FHOD3: variants seen among roughly 807,000 people sequenced by gnomAD.
The protein encoded by FHOD3 is formin homology 2 domain containing 3, also known as FH1/FH2 domain-containing protein 3.
In FHOD3, 90 loss-of-function variants were observed where a neutral mutation model predicts 173.0. The observed-to-expected ratio is 0.52, with a 90% confidence interval of 0.44 to 0.62. The LOEUF is 0.62. FHOD3 is among the 20% of genes least tolerant of loss of function. The pLI is 0.00. For missense variants in FHOD3, 1,945 were observed against 2,034.7 expected (o/e 0.96, Z 0.85); for synonymous variants, 828 against 823.0 (o/e 1.01, Z -0.10).
chr18:36,690,664 G>C (rs1346893667), intron 16 of FHOD3, among the ~76,000 whole-genome samples: 1 of 152,092 alleles, frequency 6.6e-6, no homozygotes, highest in African/African-American at 2.4e-5. Context: ...CACTGCAGAT[G>C]AACGCTGCTG....
chr18:36,389,115 C>A (rs2048172920), intron 3 of FHOD3, among the ~76,000 whole-genome samples: 1 of 151,954 alleles, frequency 6.6e-6, no homozygotes, highest in Non-Finnish European at 1.5e-5. Context: ...AATCTTTGTA[C>A]AAATGTGTAG....
chr18:36,415,503 C>G (rs2049590039), intron 3 of FHOD3, among the ~76,000 whole-genome samples: 1 of 152,294 alleles, frequency 6.6e-6, no homozygotes, highest in African/African-American at 2.4e-5. Flanking sequence ...TTTATTCATA[C>G]ATCATTAAAA....
At chr18:36,467,856 T>C (rs1238288091) in intron 3 of FHOD3, among the ~76,000 whole-genome samples, 1 of 152,194 alleles carries the variant, frequency 6.6e-6, no homozygotes, top group Non-Finnish European at 1.5e-5. Context: ...TGGGCAGAGG[T>C]GGCTCCAGGC....
In FHOD3 at chr18:36,358,366, C is replaced by T. The variant is rs541465035; in HGVS notation, c.272+2721C>T. Among the ~76,000 whole-genome samples the T allele has an allele frequency of 2.0e-5, 3 of 152,360 alleles. No individual in the cohort carries two copies. In the South Asian group the frequency reaches 6.2e-4, roughly 32 times the overall value. On this transcript the variant is annotated intron_variant, in intron 2 of 28. Coordinates refer to ENST00000590592, the MANE Select transcript of FHOD3 (RefSeq NM_001281740.3). Reference sequence around the variant, plus strand: ...CTGACACTACAGTTCACCTGGGCGACACCTGTCTCCAGATGCTGGCACTTC... The same window carrying T: ...CTGACACTACAGTTCACCTGGGCGATACCTGTCTCCAGATGCTGGCACTTC...
intron 3 of FHOD3, 64 bp downstream of exon 3, chr18:36,372,808 TAA>T (rs751534000): frequency 4.1e-5 from 58 of 1,400,990 alleles, no homozygotes; most frequent in African/African-American, 5.7e-5. Flanking sequence ...GGGAATAAAA[TAA>T]AGATTCACTG....
chr18:36,399,728 G>A (rs149800488), intron 3 of FHOD3, among the ~76,000 whole-genome samples: 240 of 152,290 alleles, frequency 1.6e-3, no homozygotes, highest in African/African-American at 5.6e-3. Flanking sequence ...GCTGCAGAAG[G>A]CTCATTTGGT....
At chr18:36,679,842 A>G (rs1376410795) in intron 14 of FHOD3, among the ~76,000 whole-genome samples, 3 of 152,174 alleles carry the variant, frequency 2.0e-5, no homozygotes, top group Admixed American at 1.3e-4. Context: ...TTGAAAGAAT[A>G]TGTTTTCTCC....
chr18:36,384,468 G>A (rs946389228), intron 3 of FHOD3, among the ~76,000 whole-genome samples: 1 of 151,854 alleles, frequency 6.6e-6, no homozygotes, highest in Non-Finnish European at 1.5e-5. Flanking sequence ...CTACTTGGGA[G>A]GCCAAAGAAA....
chr18:36,316,016 G>A (rs1455248350), intron 1 of FHOD3, among the ~76,000 whole-genome samples: 1 of 151,776 alleles, frequency 6.6e-6, no homozygotes, highest in African/African-American at 2.4e-5. Flanking sequence ...GGAGTGGGAG[G>A]GGAGAAGGAG....
chr18:36,758,822 C>T (rs1268425443), intron 25 of FHOD3, among the ~76,000 whole-genome samples: 1 of 152,192 alleles, frequency 6.6e-6, no homozygotes, highest in African/African-American at 2.4e-5. Flanking sequence ...TGGTGGTGGT[C>T]AGGGAATCGA....
At chr18:36,448,825 C>T (rs1477672473) in intron 3 of FHOD3, among the ~76,000 whole-genome samples, 2 of 152,118 alleles carry the variant, frequency 1.3e-5, no homozygotes, top group Non-Finnish European at 2.9e-5. Context: ...GAAATTTGTC[C>T]TTTTGGCCTT....
At position 36,515,573 on chromosome 18, in the gene FHOD3, C is replaced by A. The variant is rs572664368; in HGVS notation, c.511+3030C>A. On this transcript the variant is annotated intron_variant, in intron 5 of 28. Transcript: ENST00000590592. ...AATCAGAAAGGTGCCAGAGGCAATT[C>A]CCGAATGTTTAAGTCTCAGAACACT... is the stretch of plus-strand genomic sequence containing the variant. Among the ~76,000 whole-genome samples the A allele has an allele frequency of 3.9e-5, 6 of 152,304 alleles. No homozygotes were observed. In the East Asian group the frequency reaches 1.2e-3, roughly 29 times the overall value.
rs189668675 is a variant in FHOD3 at position 36,404,843 on chromosome 18, A to T, written c.337+32099A>T. ...AGTGCTTTTAGCTTTCGTCGCTAGA[A>T]TTTTTTTTCAGTCCTTTTGGTTAGC... On this transcript the variant is annotated intron_variant, in intron 3 of 28. Coordinates refer to ENST00000590592, the MANE Select transcript of FHOD3 (RefSeq NM_001281740.3). Among the ~76,000 whole-genome samples, 45 of 152,002 alleles carry T rather than the reference A, an allele frequency of 3.0e-4. No homozygotes were observed. In the East Asian group the frequency reaches 7.9e-3, roughly 27 times the overall value.
chr18:36,704,679 C>A (rs16968209), intron 17 of FHOD3, among the ~76,000 whole-genome samples: 3,692 of 152,296 alleles, frequency 0.024, 154 homozygotes, highest in African/African-American at 0.084. Flanking sequence ...CGGGCCTTCA[C>A]TGTTCTCTCC....
intron 3 of FHOD3, among the ~76,000 whole-genome samples, chr18:36,473,120 T>G (rs1327570046): frequency 6.6e-6 from 1 of 152,214 alleles, no homozygotes; most frequent in African/African-American, 2.4e-5. Flanking sequence ...CACCACCAGC[T>G]TCTCCTGGGA....
intron 17 of FHOD3, among the ~76,000 whole-genome samples, chr18:36,704,351 G>C (rs1450329464): frequency 6.6e-6 from 1 of 152,192 alleles, no homozygotes; most frequent in Non-Finnish European, 1.5e-5. Flanking sequence ...TGCCTGTAAT[G>C]TTACCAGGCA....
chr18:36,373,401 A>C (rs1598879386), intron 3 of FHOD3, among the ~76,000 whole-genome samples: 1 of 152,048 alleles, frequency 6.6e-6, no homozygotes, highest in Non-Finnish European at 1.5e-5. Context: ...TTAATCCTCT[A>C]ATCAAAAGAG....
chr18:36,542,879 G>A (rs1874383), intron 5 of FHOD3, among the ~76,000 whole-genome samples: 8,360 of 152,274 alleles, frequency 0.055, 395 homozygotes, highest in Admixed American at 0.13. Flanking sequence ...TTAGCTCCCT[G>A]TGAGGGTCAT....
At chr18:36,609,280 C>T (rs1187851287) in intron 8 of FHOD3, among the ~76,000 whole-genome samples, 1 of 151,628 alleles carries the variant, frequency 6.6e-6, no homozygotes, top group African/African-American at 2.4e-5. Flanking sequence ...GCAGCAGAGG[C>T]TGCAGGGTGG....
Sources: gnomAD v4.1 joint callset for allele counts (sites outside exome capture counted in the v4.1 genomes callset) on GRCh38, gnomAD v4.1.1 for gene constraint, MANE v1.5 for transcripts, NCBI Gene and HGNC (gene_info 2026-07-23, HGNC 2026-07-21) for gene names.